Variants in DNAH3 observed in about 807,000 individuals in gnomAD.
The protein encoded by DNAH3 is dynein axonemal heavy chain 3, also known as axonemal beta dynein heavy chain 3.
A neutral mutation model predicts 432.5 loss-of-function variants in DNAH3; 332 were observed. The observed-to-expected ratio is 0.77, with a 90% CI of 0.70 to 0.84. DNAH3 has a LOEUF of 0.84. Among genes scored for constraint, DNAH3 ranks in the 40% least tolerant of loss-of-function variants. DNAH3 has a pLI of 0.00. For missense variants in DNAH3, 4,861 were observed against 5,114.0 expected (o/e 0.95, Z 1.51); for synonymous variants, 1,956 against 1,900.2 (o/e 1.03, Z -0.76).
chr16:21,124,528 T>A (rs1314413565), intron 9 of DNAH3, among the ~76,000 whole-genome samples: 1 of 152,218 alleles, frequency 6.6e-6, no homozygotes, highest in African/African-American at 2.4e-5. Context: ...TATGGTTTTA[T>A]ACCTCTCTTT....
intron 44 of DNAH3, among the ~76,000 whole-genome samples, chr16:20,989,403 G>A (rs1196010802): frequency 6.6e-6 from 1 of 151,246 alleles, no homozygotes; most frequent in Non-Finnish European, 1.5e-5. Context: ...TACAATCCTT[G>A]AGCTAGACAT....
chr16:21,117,535 A>C (rs1472515083), intron 11 of DNAH3, among the ~76,000 whole-genome samples, 196 bp from the exon 12 acceptor site: 1 of 151,848 alleles, frequency 6.6e-6, no homozygotes, highest in African/African-American at 2.4e-5. Context: ...TGCCTGGATT[A>C]CTCATCTTTC....
At chr16:20,993,868 C>T (rs1029910639) in intron 44 of DNAH3, among the ~76,000 whole-genome samples, 1 of 152,028 alleles carries the variant, frequency 6.6e-6, no homozygotes, top group African/African-American at 2.4e-5. Flanking sequence ...TTCTTGAAAG[C>T]CCACTCTTTT....
At chr16:21,127,901 T>C in intron 7 of DNAH3, 89 bp from the exon 9 acceptor site, 1 of 1,488,202 alleles carries the variant, frequency 6.7e-7, no homozygotes, top group Non-Finnish European at 9.3e-7. Context: ...GTGTTCACGT[T>C]TCTCAATGAA....
intron 39 of DNAH3, among the ~76,000 whole-genome samples, chr16:21,024,201 G>C (rs2088414890): frequency 6.6e-6 from 1 of 152,158 alleles, no homozygotes; most frequent in African/African-American, 2.4e-5. Context: ...AGGTTACAGG[G>C]ATGGGAATTG....
intron 50 of DNAH3, among the ~76,000 whole-genome samples, chr16:20,978,555 G>A (rs1167783151): frequency 6.6e-6 from 1 of 151,954 alleles, no homozygotes; most frequent in Non-Finnish European, 1.5e-5. Flanking sequence ...AAAATAAAGA[G>A]ACAAAGTCTC....
At chr16:21,008,462 C>T (rs972769186) in intron 41 of DNAH3, among the ~76,000 whole-genome samples, 1 of 152,146 alleles carries the variant, frequency 6.6e-6, no homozygotes, top group Non-Finnish European at 1.5e-5. Context: ...GTCTACATTT[C>T]CTGAACCATG....
At chr16:20,958,767 A>G (rs2152608345) in intron 54 of DNAH3, among the ~76,000 whole-genome samples, 1 of 152,116 alleles carries the variant, frequency 6.6e-6, no homozygotes, top group Middle Eastern at 3.4e-3. Context: ...GCTATACTGA[A>G]GAGCTTCTTT....
In DNAH3 at chr16:21,029,532, G is replaced by A. The variant is rs558718154; in HGVS notation, c.5439+1513C>T. On this transcript the variant is annotated intron_variant, in intron 37 of 61. Transcript: ENST00000261383. ...TCGTCCCTACTTTACAGATGATGAA[G>A]TTGGGGCATCAAGAGACTAAATAGC... is the stretch of plus-strand genomic sequence containing the variant. 5.9e-5 allele frequency among the ~76,000 whole-genome samples: 9 copies of A among 152,300 alleles called. No homozygotes were observed. In the South Asian group the frequency reaches 1.7e-3, roughly 28 times the overall value.
At chr16:21,114,072 C>T (rs2092132505) in intron 12 of DNAH3, among the ~76,000 whole-genome samples, 1 of 152,104 alleles carries the variant, frequency 6.6e-6, no homozygotes, top group African/African-American at 2.4e-5. Flanking sequence ...TAAAATGGAA[C>T]ATATAACAAT....
exon 50 of DNAH3, chr16:20,979,421 T>C: frequency 6.2e-7 from 1 of 1,614,160 alleles, no homozygotes; most frequent in Non-Finnish European, 8.5e-7. Context: ...CAGGAGCGTC[T>C]TGAAGGTTAG....
chr16:21,075,596 G>A (rs1332980730), intron 20 of DNAH3, 35 bp from the exon 21 acceptor site: 2 of 1,510,964 alleles, frequency 1.3e-6, no homozygotes, highest in Non-Finnish European at 1.8e-6. Context: ...AACATCAACA[G>A]GAGGCAGAGA....
At chr16:20,973,930 A>T (rs2085458979) in intron 51 of DNAH3, among the ~76,000 whole-genome samples, 1 of 152,204 alleles carries the variant, frequency 6.6e-6, no homozygotes, top group South Asian at 2.1e-4. Flanking sequence ...GCGGCTTATG[A>T]TTATTTAACA....
At chr16:21,150,996 A>G (rs2092847016) in intron 1 of DNAH3, among the ~76,000 whole-genome samples, 150 bp from the exon 1 acceptor site, 1 of 152,194 alleles carries the variant, frequency 6.6e-6, no homozygotes, top group Non-Finnish European at 1.5e-5. Context: ...AGAAGGGAAC[A>G]TGGGAAGGTG....
chr16:21,101,321 G>A (rs927886772), intron 16 of DNAH3, among the ~76,000 whole-genome samples: 4 of 152,102 alleles, frequency 2.6e-5, no homozygotes, highest in African/African-American at 9.7e-5. Flanking sequence ...TCAAAGAATC[G>A]TAAGTTGAAC....
chr16:21,106,782 A>G, intron 14 of DNAH3, 108 bp from the exon 15 acceptor site: 1 of 970,716 alleles, frequency 1.0e-6, no homozygotes, highest in African/African-American at 1.6e-5. Context: ...TTCCTATTTG[A>G]AAAAAAAAGA....
At chr16:21,036,446 A>C (rs1273534968) in intron 35 of DNAH3, among the ~76,000 whole-genome samples, 1 of 151,928 alleles carries the variant, frequency 6.6e-6, no homozygotes, top group Non-Finnish European at 1.5e-5. Flanking sequence ...TCAGGGTCTC[A>C]CTCTGTCACC....
chr16:21,115,388 T>TAAA (rs11460795), intron 12 of DNAH3, among the ~76,000 whole-genome samples: 13 of 141,258 alleles, frequency 9.2e-5, no homozygotes, highest in East Asian at 2.0e-4. Flanking sequence ...GCTTAAAGTG[T>TAAA]AAAAAAAAAA....
intron 50 of DNAH3, among the ~76,000 whole-genome samples, chr16:20,975,651 T>C (rs1368733707): frequency 6.6e-6 from 1 of 152,228 alleles, no homozygotes; most frequent in Non-Finnish European, 1.5e-5. Flanking sequence ...ACTAGACATA[T>C]AATTGTAAAC....
Sources: allele counts gnomAD v4.1 joint callset (sites outside exome capture counted in the v4.1 genomes callset), GRCh38; gene constraint gnomAD v4.1.1; transcripts MANE v1.5; gene names NCBI Gene and HGNC (gene_info 2026-07-23, HGNC 2026-07-21).